The following ARGLU1 variants were observed in gnomAD, a reference collection of about 807,000 sequenced individuals.
ARGLU1 encodes arginine and glutamate-rich protein 1.
In ARGLU1, 9 loss-of-function variants were observed where a neutral mutation model predicts 37.6. The ratio of observed to expected loss-of-function variants is 0.24; its 90% CI spans 0.14 to 0.42. The LOEUF is 0.42. Ranked by LOEUF, ARGLU1 falls within the 10% of genes least tolerant of loss-of-function variation. The pLI is 1.00. For synonymous variants in ARGLU1, 166 were observed against 138.5 expected (o/e 1.20, Z -1.39); for missense variants, 211 against 359.2 (o/e 0.59, Z 3.34).
chr13:106,543,639 T>C lies in ARGLU1; in HGVS notation c.*357A>G, dbSNP rs1016183770. The C allele has an allele frequency of 6.3e-6, 1 of 159,514 alleles. No homozygotes were observed. The highest frequency in any genetic ancestry group is 1.4e-5 in the Non-Finnish European group (1 of 73,006). The allele number at this position is 159,514 out of a possible 1,614,324, so 9.9% of individuals were successfully genotyped here. A position where few individuals can be genotyped will look rare whatever the true frequency, so the allele number is the denominator to read the frequency against. ...AACAAAAAGTCAGCAAAACCAGCAT[T>C]ATGATGTAGCAAACAGAGTATAACT... On this transcript the variant is annotated 3_prime_UTR_variant, in exon 4 of 4. Coordinates refer to ENST00000400198, the MANE Select transcript of ARGLU1 (RefSeq NM_018011.4).
chr13:106,562,606 A>G (rs1880840462), intron 1 of ARGLU1, among the ~76,000 whole-genome samples: 1 of 152,140 alleles, frequency 6.6e-6, no homozygotes. Flanking sequence ...AATATGTTAT[A>G]CTGACGAAAG....
chr13:106,565,081 C>T (rs1880924205), intron 1 of ARGLU1, among the ~76,000 whole-genome samples: 1 of 152,188 alleles, frequency 6.6e-6, no homozygotes, highest in Non-Finnish European at 1.5e-5. Context: ...CTCTTAGTTT[C>T]CATCCTACAC....
intron 3 of ARGLU1, among the ~76,000 whole-genome samples, chr13:106,544,694 T>TAC (rs1262772222): frequency 7.2e-5 from 11 of 152,084 alleles, no homozygotes; most frequent in Non-Finnish European, 1.3e-4. Context: ...TTGAAGGGCA[T>TAC]ACACACACAC....
At chr13:106,544,211 T>G (rs769936315) in intron 3 of ARGLU1, 51 bp from the exon 4 acceptor site, 55 of 1,446,814 alleles carry the variant, frequency 3.8e-5, no homozygotes, top group Non-Finnish European at 4.9e-5. Flanking sequence ...AAAATTATCA[T>G]ATGTACCCCT....
chr13:106,564,562 A>G (rs901883985), intron 1 of ARGLU1, among the ~76,000 whole-genome samples: 1 of 152,168 alleles, frequency 6.6e-6, no homozygotes, highest in Non-Finnish European at 1.5e-5. Flanking sequence ...CATTTTTACC[A>G]TATTTCTTTC....
intron 3 of ARGLU1, among the ~76,000 whole-genome samples, chr13:106,551,695 T>C (rs1880534190): frequency 6.6e-6 from 1 of 152,200 alleles, no homozygotes; most frequent in South Asian, 2.1e-4. Context: ...CCATTCTCCT[T>C]CTGGAGTCTT....
intron 3 of ARGLU1, among the ~76,000 whole-genome samples, chr13:106,550,781 T>C (rs1389500728): frequency 6.6e-6 from 1 of 152,184 alleles, no homozygotes; most frequent in Non-Finnish European, 1.5e-5. Flanking sequence ...GCTGCCAAGG[T>C]TTCTTGGTGT....
At chr13:106,546,179 A>C (rs1201503732) in intron 3 of ARGLU1, among the ~76,000 whole-genome samples, 3 of 152,130 alleles carry the variant, frequency 2.0e-5, no homozygotes, top group Non-Finnish European at 4.4e-5. Flanking sequence ...TGTACATCTA[A>C]AATGGTGCCC....
chr13:106,565,470 C>T (rs1182443962), intron 1 of ARGLU1, among the ~76,000 whole-genome samples: 1 of 152,160 alleles, frequency 6.6e-6, no homozygotes, highest in East Asian at 1.9e-4. Context: ...GTATTATTGC[C>T]TATTTAATGA....
chr13:106,553,607 C>T (rs1880588061), intron 3 of ARGLU1, among the ~76,000 whole-genome samples: 1 of 152,096 alleles, frequency 6.6e-6, no homozygotes. Context: ...CTATGAAAAA[C>T]AATGGCTTTA....
At chr13:106,555,214 G>A (rs149660849) in intron 3 of ARGLU1, among the ~76,000 whole-genome samples, 5 of 151,954 alleles carry the variant, frequency 3.3e-5, no homozygotes, top group East Asian at 3.9e-4. Context: ...AAAATTAGCC[G>A]GGCATGGTGG....
At chr13:106,554,919 A>G (rs1030207870) in intron 3 of ARGLU1, among the ~76,000 whole-genome samples, 1 of 151,948 alleles carries the variant, frequency 6.6e-6, no homozygotes, top group Admixed American at 6.6e-5. Context: ...TCCAGTATCA[A>G]TTTACTACGC....
At chr13:106,562,174 A>G (rs1880824562) in intron 1 of ARGLU1, among the ~76,000 whole-genome samples, 1 of 152,204 alleles carries the variant, frequency 6.6e-6, no homozygotes, top group Non-Finnish European at 1.5e-5. Flanking sequence ...TTTGCCTGCA[A>G]GTGTTAGCAA....
At chr13:106,546,283 T>A (rs543149678) in intron 3 of ARGLU1, among the ~76,000 whole-genome samples, 4 of 152,344 alleles carry the variant, frequency 2.6e-5, no homozygotes, top group African/African-American at 9.6e-5. Flanking sequence ...AAATTGCCAA[T>A]GATATCCACT....
intron 1 of ARGLU1, among the ~76,000 whole-genome samples, chr13:106,562,321 C>CAA (rs1267889223): frequency 1.3e-5 from 2 of 152,294 alleles, no homozygotes; most frequent in East Asian, 3.9e-4. Context: ...CTGAATTCAG[C>CAA]AAACCAGTGA....
chr13:106,547,950 A>C (rs1157542313), intron 3 of ARGLU1, among the ~76,000 whole-genome samples: 1 of 152,224 alleles, frequency 6.6e-6, no homozygotes, highest in Non-Finnish European at 1.5e-5. Flanking sequence ...TTCTTCACTT[A>C]GGTCTACAAA....
intron 1 of ARGLU1, among the ~76,000 whole-genome samples, chr13:106,560,788 C>T (rs748098201): frequency 6.6e-6 from 1 of 152,230 alleles, no homozygotes; most frequent in African/African-American, 2.4e-5. Context: ...TTAAATAAAA[C>T]CTGCAACCTT....
intron 1 of ARGLU1, among the ~76,000 whole-genome samples, chr13:106,561,381 A>G (rs976241086): frequency 3.3e-5 from 5 of 151,972 alleles, no homozygotes; most frequent in African/African-American, 1.2e-4. Flanking sequence ...AATAATAATA[A>G]TAATCTGCCT....
At position 106,557,258 on chromosome 13, in the gene ARGLU1, C is replaced by CT. The variant is rs774855595; in HGVS notation, c.574-128dup. The CT allele has an allele frequency of 8.3e-5, 69 of 833,824 alleles. No homozygotes were observed. The highest frequency in any genetic ancestry group is 1.2e-4 in the Non-Finnish European group (66 of 537,482). The allele number at this position is 833,824 out of a possible 1,614,324, so 51.7% of individuals were successfully genotyped here. On this transcript the variant is annotated intron_variant, in intron 2 of 3. Transcript: ENST00000400198. This position sits in a 1 kb window ranked among gnomAD's most constrained non-coding sequence, Gnocchi z 5.0. ...GGGTAGCTTTATAGCTACCTTCTGT[C>CT]TGACAAATGATAAACTGTGCAGTCA...
Sources: allele counts gnomAD v4.1 joint callset (sites outside exome capture counted in the v4.1 genomes callset), GRCh38; gene constraint gnomAD v4.1.1; non-coding constraint Gnocchi (gnomAD v3.1); transcripts MANE v1.5; gene names NCBI Gene and HGNC (gene_info 2026-07-23, HGNC 2026-07-21).